The following IGSF21 variants were observed in gnomAD, a reference collection of about 807,000 sequenced individuals.
The protein encoded by IGSF21 is immunoglobulin superfamily member 21.
IGSF21 carries 28 observed loss-of-function variants against 46.8 expected under a neutral mutation model. That is an observed-to-expected ratio of 0.60 (90% confidence interval 0.44 to 0.82). The LOEUF (loss-of-function observed/expected upper bound fraction) is 0.82, where lower values mean the gene tolerates loss of function less well. Ranked by LOEUF, IGSF21 falls within the 40% of genes least tolerant of loss-of-function variation. IGSF21 has a pLI of 0.00. For synonymous variants in IGSF21, 284 were observed against 273.6 expected (o/e 1.04, Z -0.38); for missense variants, 624 against 665.5 (o/e 0.94, Z 0.69).
In IGSF21 at chr1:18,108,103, G is replaced by A. The variant is rs2124393984; in HGVS notation, c.-26G>A. On this transcript the variant is annotated 5_prime_UTR_variant, in exon 1 of 10. Transcript: ENST00000251296. ...CCACCGCCTCCACCCCCGCCGCCCC[G>A]CCACCGCCGCCAGCTCCCGGGCACC... 6 of 1,201,182 alleles carry A rather than the reference G, an allele frequency of 5.0e-6. No individual in the cohort carries two copies. The highest frequency in any genetic ancestry group is 3.3e-5 in the South Asian group (2 of 60,398). The allele number at this position is 1,201,182 out of a possible 1,614,324, so 74.4% of individuals were successfully genotyped here. A position where few individuals can be genotyped will look rare whatever the true frequency, so the allele number is the denominator to read the frequency against.
At chr1:18,222,831 CTG>C (rs2084523811) in intron 1 of IGSF21, among the ~76,000 whole-genome samples, 1 of 152,142 alleles carries the variant, frequency 6.6e-6, no homozygotes, top group African/African-American at 2.4e-5. Flanking sequence ...AGAACTTTTC[CTG>C]TGTTTTTCTC....
At chr1:18,142,384 C>T (rs947797605) in intron 1 of IGSF21, among the ~76,000 whole-genome samples, 8 of 152,214 alleles carry the variant, frequency 5.3e-5, no homozygotes, top group Admixed American at 5.2e-4. Context: ...TCTGACTCAA[C>T]GCCCTGGCTT....
At chr1:18,203,876 A>G (rs926943616) in intron 1 of IGSF21, among the ~76,000 whole-genome samples, 4 of 152,242 alleles carry the variant, frequency 2.6e-5, no homozygotes, top group African/African-American at 9.6e-5. Flanking sequence ...GGGTATTTGT[A>G]TATCATTTAA....
intron 1 of IGSF21, among the ~76,000 whole-genome samples, chr1:18,159,380 A>G (rs983003949): frequency 6.6e-6 from 1 of 152,194 alleles, no homozygotes. Flanking sequence ...TCTCGGATTC[A>G]CCTGCTGATA....
intron 1 of IGSF21, among the ~76,000 whole-genome samples, chr1:18,217,667 G>C (rs1557592424): frequency 6.6e-6 from 1 of 152,146 alleles, no homozygotes; most frequent in African/African-American, 2.4e-5. Flanking sequence ...GACTTCTTGT[G>C]TCCTTCCTAG....
chr1:18,265,785 CAG>C (rs2124540866), intron 2 of IGSF21, among the ~76,000 whole-genome samples: 2 of 152,354 alleles, frequency 1.3e-5, no homozygotes, highest in African/African-American at 4.8e-5. Flanking sequence ...GATCTCAAAA[CAG>C]AAAGAATGCA....
chr1:18,317,433 G>C (rs558729803), intron 3 of IGSF21, among the ~76,000 whole-genome samples: 1 of 152,302 alleles, frequency 6.6e-6, no homozygotes, highest in African/African-American at 2.4e-5. Flanking sequence ...TCTGTTGGAT[G>C]CCACTACCTG....
At chr1:18,170,402 C>T (rs2086725417) in intron 1 of IGSF21, among the ~76,000 whole-genome samples, 1 of 151,952 alleles carries the variant, frequency 6.6e-6, no homozygotes, top group Admixed American at 6.6e-5. Flanking sequence ...TGGCTATAGG[C>T]CCCAAAGACC....
intron 1 of IGSF21, among the ~76,000 whole-genome samples, chr1:18,186,459 G>A (rs2086903781): frequency 6.6e-6 from 1 of 152,124 alleles, no homozygotes; most frequent in Non-Finnish European, 1.5e-5. Flanking sequence ...CAGTCACCAA[G>A]GCCTAGAAAG....
intron 1 of IGSF21, among the ~76,000 whole-genome samples, chr1:18,181,904 T>A (rs1328537715): frequency 6.6e-6 from 1 of 152,034 alleles, no homozygotes; most frequent in Non-Finnish European, 1.5e-5. Flanking sequence ...TCATTTTGTG[T>A]CTGATGAGCT....
chr1:18,325,369 C>T (rs575971775), intron 3 of IGSF21, among the ~76,000 whole-genome samples: 14 of 152,124 alleles, frequency 9.2e-5, no homozygotes, highest in African/African-American at 1.9e-4. Context: ...AGTGTGTCTG[C>T]GGTGGGGCAG....
intron 2 of IGSF21, among the ~76,000 whole-genome samples, chr1:18,268,933 A>T (rs959122427): frequency 6.6e-6 from 1 of 152,170 alleles, no homozygotes; most frequent in African/African-American, 2.4e-5. Context: ...CTCACTCTTG[A>T]TGATAGCTCC....
chr1:18,174,576 C>T (rs1026942340), intron 1 of IGSF21, among the ~76,000 whole-genome samples: 1 of 152,210 alleles, frequency 6.6e-6, no homozygotes, highest in African/African-American at 2.4e-5. Context: ...CTTGTCACTT[C>T]AAGCGTGCCA....
chr1:18,222,197 A>C (rs1385348543), intron 1 of IGSF21, among the ~76,000 whole-genome samples: 2 of 152,102 alleles, frequency 1.3e-5, no homozygotes, highest in Non-Finnish European at 2.9e-5. Flanking sequence ...CCTCTCCAGG[A>C]GGGTCCCCAG....
At chr1:18,377,970 C>G (rs1438539280) in intron 9 of IGSF21, among the ~76,000 whole-genome samples, 1 of 152,196 alleles carries the variant, frequency 6.6e-6, no homozygotes, top group Non-Finnish European at 1.5e-5. Flanking sequence ...CTGCCACACC[C>G]CCTCCCTACA....
At chr1:18,278,541 TTG>T (rs2085127141) in intron 2 of IGSF21, among the ~76,000 whole-genome samples, 2 of 138,196 alleles carry the variant, frequency 1.4e-5, no homozygotes, top group African/African-American at 5.8e-5. Flanking sequence ...TTTTGTTTGT[TTG>T]TTTGTTTGTT....
chr1:18,340,544 A>G (rs2085822021), intron 4 of IGSF21, among the ~76,000 whole-genome samples: 1 of 152,218 alleles, frequency 6.6e-6, no homozygotes, highest in Non-Finnish European at 1.5e-5. Flanking sequence ...CTGGACTCAC[A>G]TTCTCTAAGG....
At chr1:18,320,290 G>A (rs899734378) in intron 3 of IGSF21, among the ~76,000 whole-genome samples, 5 of 152,114 alleles carry the variant, frequency 3.3e-5, no homozygotes, top group Non-Finnish European at 7.4e-5. Flanking sequence ...TGGCAGCCCT[G>A]GGCACCCTGG....
At chr1:18,116,332 C>T (rs188340132) in intron 1 of IGSF21, among the ~76,000 whole-genome samples, 2 of 152,316 alleles carry the variant, frequency 1.3e-5, no homozygotes, top group African/African-American at 2.4e-5. Flanking sequence ...CAGCCACCTG[C>T]GGTTAATGTG....
Sources: gnomAD v4.1 joint callset for allele counts (sites outside exome capture counted in the v4.1 genomes callset) on GRCh38, gnomAD v4.1.1 for gene constraint, MANE v1.5 for transcripts, NCBI Gene and HGNC (gene_info 2026-07-23, HGNC 2026-07-21) for gene names.